The following MYOCD variants were observed in gnomAD, a reference collection of about 807,000 sequenced individuals.
MYOCD encodes myocardin.
MYOCD carries 32 observed loss-of-function variants against 96.1 expected under a neutral mutation model. The observed-to-expected ratio is 0.33, with a 90% CI of 0.25 to 0.45. The LOEUF is 0.45. Ranked by LOEUF, MYOCD falls within the 20% of genes least tolerant of loss-of-function variation. The pLI is 1.00. For synonymous variants in MYOCD, 469 were observed against 469.0 expected (o/e 1.00, Z 0.00); for missense variants, 1,133 against 1,200.6 (o/e 0.94, Z 0.83).
chr17:12,694,771 C>T (rs773140617), intron 1 of MYOCD, among the ~76,000 whole-genome samples: 1 of 150,202 alleles, frequency 6.7e-6, no homozygotes, highest in East Asian at 2.0e-4. Flanking sequence ...ATATCAAAGA[C>T]GTGGCCAAAA....
chr17:12,750,595 G>A (rs867350822), intron 9 of MYOCD, among the ~76,000 whole-genome samples: 29 of 151,870 alleles, frequency 1.9e-4, no homozygotes, highest in African/African-American at 7.0e-4. Context: ...AGGCTGAGGC[G>A]GGAGAATTGC....
At chr17:12,744,147 C>T (rs778479886) in intron 7 of MYOCD, 36 bp from the exon 8 acceptor site, 2 of 1,607,292 alleles carry the variant, frequency 1.2e-6, no homozygotes, top group Non-Finnish European at 1.7e-6. Context: ...TCAGCCATCA[C>T]CTAAAGCACA....
At chr17:12,721,764 C>A (rs1480706302) in intron 4 of MYOCD, among the ~76,000 whole-genome samples, 4 of 152,298 alleles carry the variant, frequency 2.6e-5, no homozygotes, top group Non-Finnish European at 5.9e-5. Flanking sequence ...AGTTGGTACA[C>A]AGGATGAGTC....
Position 12,768,365 on chromosome 17 carries a change from CACAGGA to C in MYOCD, c.*4722_*4727del, listed in dbSNP as rs945102574. ...TGTTGTCATCTGCCAGGGAAATTATCACAGGACTCATTGAATGCAATAACATGTGAG... is the reference window on the plus strand; with the variant it reads ...TGTTGTCATCTGCCAGGGAAATTATCCTCATTGAATGCAATAACATGTGAG... On this transcript the variant is annotated 3_prime_UTR_variant, in exon 14 of 14. Transcript: ENST00000425538. The C allele has an allele frequency of 1.3e-5, 2 of 152,180 alleles. No homozygotes were observed. Among genetic ancestry groups the C allele is most frequent in the African/African-American group, 4.8e-5 (2 of 41,440 alleles). The allele number at this position is 152,180 out of a possible 1,614,324, so 9.4% of individuals were successfully genotyped here.
intron 1 of MYOCD, among the ~76,000 whole-genome samples, chr17:12,682,328 A>G (rs572961279): frequency 2.2e-4 from 34 of 152,340 alleles, no homozygotes; most frequent in African/African-American, 7.7e-4. Flanking sequence ...GCCACACAGT[A>G]TCAGCTTCCA....
rs577754959 is a variant in MYOCD, at chr17:12,731,854, A to G, written c.416-4307A>G. Among the ~76,000 whole-genome samples, 7 of 152,358 alleles carry G rather than the reference A, an allele frequency of 4.6e-5. No individual in the cohort carries two copies. In the South Asian group the frequency reaches 1.2e-3, roughly 27 times the overall value. ...ACTTACAGGAGCCCCTCCACTGTTA[A>G]GGTTTTTCCCATCAACAGCGACGAG... On this transcript the variant is annotated intron_variant, in intron 5 of 13. Coordinates refer to ENST00000425538, the MANE Select transcript of MYOCD (RefSeq NM_001146312.3).
intron 2 of MYOCD, among the ~76,000 whole-genome samples, chr17:12,708,089 T>G (rs188691043): frequency 2.6e-5 from 4 of 152,290 alleles, no homozygotes; most frequent in Admixed American, 1.3e-4. Flanking sequence ...CAGTGCTGGT[T>G]CTCTTCAGAA....
intron 5 of MYOCD, among the ~76,000 whole-genome samples, chr17:12,725,716 G>A (rs117939640): frequency 0.02 from 3,001 of 151,322 alleles, 140 homozygotes; most frequent in Admixed American, 0.11. Flanking sequence ...ATGTTATAAT[G>A]TCTTATATTG....
intron 1 of MYOCD, among the ~76,000 whole-genome samples, chr17:12,681,936 G>T (rs1910490969): frequency 6.6e-6 from 1 of 152,218 alleles, no homozygotes; most frequent in African/African-American, 2.4e-5. Flanking sequence ...GCAACATTTG[G>T]CTAGGGAACA....
Position 12,753,307 on chromosome 17 carries a change from G to A in MYOCD, c.2019G>A (p.Arg673=), listed in dbSNP as rs1356513549. The change falls in exon 10 of 14, where the codon AGG becomes AGA. Residue 673 remains arginine (R), a synonymous_variant. Coordinates refer to ENST00000425538, the MANE Select transcript of MYOCD (RefSeq NM_001146312.3). ...SSSGAQGEGH[R]VSSPISSQVC... Reference sequence around the variant, plus strand: ...CCGGGGCCCAGGGAGAAGGGCACAGGGTCTCCTCGCCCATCAGCAGCCAGG... The same window carrying A: ...CCGGGGCCCAGGGAGAAGGGCACAGAGTCTCCTCGCCCATCAGCAGCCAGG... 6 of 1,610,010 alleles carry A rather than the reference G, an allele frequency of 3.7e-6. No homozygotes were observed. The highest frequency in any genetic ancestry group is 5.1e-6 in the Non-Finnish European group (6 of 1,178,012).
chr17:12,721,095 C>CT (rs893561222), intron 4 of MYOCD, among the ~76,000 whole-genome samples: 165 of 140,294 alleles, frequency 1.2e-3, no homozygotes, highest in African/African-American at 1.7e-3. Flanking sequence ...TTTTTGCACA[C>CT]TTTTTTTTTT....
chr17:12,738,025 A>G (rs2032394243), intron 6 of MYOCD, among the ~76,000 whole-genome samples: 1 of 152,236 alleles, frequency 6.6e-6, no homozygotes, highest in African/African-American at 2.4e-5. Context: ...GTATCAGATC[A>G]TTTGTACACA....
intron 7 of MYOCD, among the ~76,000 whole-genome samples, chr17:12,742,649 C>T (rs2032546919): frequency 6.6e-6 from 1 of 151,976 alleles, no homozygotes; most frequent in South Asian, 2.1e-4. Context: ...CGGCTTACTG[C>T]AACCTCCACC....
intron 2 of MYOCD, among the ~76,000 whole-genome samples, chr17:12,712,524 G>T (rs2031511996): frequency 1.3e-5 from 2 of 152,176 alleles, no homozygotes; most frequent in South Asian, 4.1e-4. Flanking sequence ...GAGGCACGAG[G>T]TTACAGTGGA....
rs945263608 is a variant in MYOCD at position 12,767,958 on chromosome 17, T to C, written c.*4314T>C. 6.6e-6 allele frequency: 1 copy of C among 152,126 alleles called. No individual in the cohort carries two copies. Among genetic ancestry groups the C allele is most frequent in the African/African-American group, 2.4e-5 (1 of 41,422 alleles). The allele number at this position is 152,126 out of a possible 1,614,324, so 9.4% of individuals were successfully genotyped here. A position where few individuals can be genotyped will look rare whatever the true frequency, so the allele number is the denominator to read the frequency against. On this transcript the variant is annotated 3_prime_UTR_variant, in exon 14 of 14. Coordinates refer to ENST00000425538, the MANE Select transcript of MYOCD (RefSeq NM_001146312.3). ...AAATCATCTAAGAATATGAAGGCAA[T>C]TTGATTTCCCCCCACAGCCCTCAGC...
At chr17:12,676,781 G>A (rs1477645400) in intron 1 of MYOCD, among the ~76,000 whole-genome samples, 1 of 152,188 alleles carries the variant, frequency 6.6e-6, no homozygotes, top group Non-Finnish European at 1.5e-5. Flanking sequence ...CAATGTATAT[G>A]TGGTATAGGT....
intron 7 of MYOCD, among the ~76,000 whole-genome samples, chr17:12,743,659 C>G (rs1169542971): frequency 6.6e-6 from 1 of 151,744 alleles, no homozygotes; most frequent in East Asian, 1.9e-4. Context: ...CACCTGGCTA[C>G]TTTTTGTATT....
chr17:12,749,739 A>G (rs530990593), intron 9 of MYOCD, among the ~76,000 whole-genome samples: 42 of 66,254 alleles, frequency 6.3e-4, no homozygotes, highest in African/African-American at 2.0e-3. Context: ...ATATATATAT[A>G]TGATTTCAGT....
At chr17:12,715,804 C>T (rs754927216) in intron 3 of MYOCD, among the ~76,000 whole-genome samples, 2 of 152,086 alleles carry the variant, frequency 1.3e-5, no homozygotes, top group Non-Finnish European at 2.9e-5. Context: ...AAAATGTCCC[C>T]AATTTTTCTA....
Sources: allele counts gnomAD v4.1 joint callset (sites outside exome capture counted in the v4.1 genomes callset), GRCh38; gene constraint gnomAD v4.1.1; transcripts MANE v1.5; gene names NCBI Gene and HGNC (gene_info 2026-07-23, HGNC 2026-07-21).